The following FAP variants were observed in gnomAD, a reference collection of about 807,000 sequenced individuals.
FAP encodes fibroblast activation protein alpha, also known as prolyl endopeptidase FAP.
A neutral mutation model predicts 126.5 loss-of-function variants in FAP; 110 were observed. The observed-to-expected ratio is 0.87, with a 90% CI of 0.74 to 1.02. The LOEUF (loss-of-function observed/expected upper bound fraction) is 1.02, where lower values mean the gene tolerates loss of function less well. Among genes scored for constraint, FAP ranks in the 50% least tolerant of loss-of-function variants. The pLI, the probability that FAP is intolerant of heterozygous loss-of-function variation, is 0.00. For missense variants in FAP, 919 were observed against 909.2 expected, an observed-to-expected ratio of 1.01 and a Z score of -0.14; for synonymous variants, 334 against 297.3, an observed-to-expected ratio of 1.12 and a Z score of -1.27.
intron 21 of FAP, among the ~76,000 whole-genome samples, chr2:162,177,669 T>A (rs964549338): frequency 6.6e-6 from 1 of 152,188 alleles, no homozygotes; most frequent in African/African-American, 2.4e-5. Flanking sequence ...TCTTTTTCCA[T>A]AGCGCTTAAC....
chr2:162,189,416 T>A (rs536964011), intron 18 of FAP, among the ~76,000 whole-genome samples: 100 of 152,050 alleles, frequency 6.6e-4, no homozygotes, highest in Non-Finnish European at 1.1e-3. Flanking sequence ...AAGCTCTTTT[T>A]AAAAAAACGT....
chr2:162,226,910 G>A lies in FAP; in HGVS notation c.92-289C>T, dbSNP rs372463677. ...CAGAGGAAGGCCATGCAGAGTAGCT[G>A]GGGCATGATTCTTCAGGCAGTGAAG... On this transcript the variant is annotated intron_variant, in intron 2 of 25. Transcript: ENST00000188790. Among the ~76,000 whole-genome samples the A allele has an allele frequency of 2.4e-4, 36 of 152,256 alleles. No individual in the cohort carries two copies. In the South Asian group the frequency reaches 7.5e-3, roughly 32 times the overall value.
At chr2:162,186,346 C>T (rs924239485) in intron 20 of FAP, among the ~76,000 whole-genome samples, 11 of 152,122 alleles carry the variant, frequency 7.2e-5, no homozygotes, top group Admixed American at 6.6e-4. Flanking sequence ...TCTAGTCCAT[C>T]TTCAATTCTA....
At chr2:162,188,405 G>T in intron 19 of FAP, 42 bp from the exon 20 acceptor site, 2 of 1,559,714 alleles carry the variant, frequency 1.3e-6, no homozygotes, top group Non-Finnish European at 1.8e-6. Context: ...TGATTGCTTT[G>T]TAAAACTCAA....
chr2:162,231,244 A>G (rs1258931407), intron 2 of FAP, among the ~76,000 whole-genome samples: 2 of 152,174 alleles, frequency 1.3e-5, no homozygotes, highest in African/African-American at 4.8e-5. Context: ...TCAGTATAAA[A>G]TATATCTCCA....
chr2:162,184,248 G>A (rs115096264), intron 20 of FAP, among the ~76,000 whole-genome samples: 469 of 152,224 alleles, frequency 3.1e-3, no homozygotes, highest in African/African-American at 9.8e-3. Flanking sequence ...AACAGCAGCC[G>A]GAGTGGAATG....
chr2:162,189,542 G>A (rs775962296), intron 18 of FAP, 114 bp downstream of exon 18: 13 of 625,812 alleles, frequency 2.1e-5, no homozygotes, highest in Non-Finnish European at 3.7e-5. Context: ...ATGAAATCCT[G>A]TAATATTAAT....
chr2:162,194,725 G>A lies in FAP; in HGVS notation c.1426C>T (p.Leu476Phe), dbSNP rs1254586146. 1.7e-5 allele frequency: 27 copies of A among 1,613,520 alleles called. No individual in the cohort carries two copies. The highest frequency in any genetic ancestry group is 2.0e-5 in the Non-Finnish European group (24 of 1,179,682). Residue 476 changes from leucine (L) to phenylalanine (F), a missense_variant, in exon 17 of 26, where the codon CTT becomes TTT. Leu to Phe is a conservative substitution (Grantham distance 22). Coordinates refer to ENST00000188790, the MANE Select transcript of FAP (RefSeq NM_004460.5). Reference protein sequence around the residue: ...CYGPGIPISTLHDGRTDQEIK... With the variant: ...CYGPGIPISTFHDGRTDQEIK... ...CCTTGATCAGTGCGTCCATCATGAA[G>A]GGTGGAAATGGGGATGCCTGGGCCT...
At chr2:162,211,773 T>G (rs1688944997) in intron 11 of FAP, among the ~76,000 whole-genome samples, 1 of 152,242 alleles carries the variant, frequency 6.6e-6, no homozygotes, top group Admixed American at 6.5e-5. Flanking sequence ...TATAAATTTC[T>G]TAATAAATCT....
At chr2:162,226,416 A>C (rs1290567691) in intron 3 of FAP, 107 bp downstream of exon 3, 1 of 551,170 alleles carries the variant, frequency 1.8e-6, no homozygotes, top group African/African-American at 2.0e-5. Flanking sequence ...TTCTTTTTGT[A>C]CATTTCAACT....
intron 2 of FAP, among the ~76,000 whole-genome samples, chr2:162,235,383 T>G (rs1576201069): frequency 6.6e-6 from 1 of 152,056 alleles, no homozygotes; most frequent in African/African-American, 2.4e-5. Context: ...GCTCCTGAGG[T>G]TAGTGGGGAC....
At chr2:162,213,448 C>A (rs1467238484) in intron 11 of FAP, among the ~76,000 whole-genome samples, 1 of 151,008 alleles carries the variant, frequency 6.6e-6, no homozygotes, top group Non-Finnish European at 1.5e-5. Context: ...GAATATCTGG[C>A]TTTCTTTTGA....
intron 11 of FAP, among the ~76,000 whole-genome samples, chr2:162,212,024 G>A (rs754214886): frequency 2.0e-5 from 3 of 152,162 alleles, no homozygotes; most frequent in Non-Finnish European, 2.9e-5. Context: ...TGAAACAGAG[G>A]TGTTTAGAAA....
At chr2:162,229,478 G>A (rs183278527) in intron 2 of FAP, among the ~76,000 whole-genome samples, 2 of 152,214 alleles carry the variant, frequency 1.3e-5, no homozygotes, top group African/African-American at 4.8e-5. Flanking sequence ...CTAGTTTAAT[G>A]AAGTTCATCA....
intron 11 of FAP, among the ~76,000 whole-genome samples, chr2:162,210,730 T>C (rs1172997903): frequency 6.6e-6 from 1 of 152,132 alleles, no homozygotes; most frequent in Non-Finnish European, 1.5e-5. Flanking sequence ...ATGAACATGA[T>C]GCAGAGGATA....
chr2:162,214,964 G>A (rs1689109516), intron 10 of FAP, among the ~76,000 whole-genome samples: 2 of 152,096 alleles, frequency 1.3e-5, no homozygotes, highest in East Asian at 3.9e-4. Context: ...TTTTACAGCT[G>A]TTCAAACAAG....
At chr2:162,205,022 C>T (rs375635038) in intron 12 of FAP, among the ~76,000 whole-genome samples, 1 of 152,176 alleles carries the variant, frequency 6.6e-6, no homozygotes, top group Non-Finnish European at 1.5e-5. Flanking sequence ...CACTCTATGA[C>T]CCAATGAGGC....
chr2:162,197,323 A>AT (rs2106238453), intron 16 of FAP, among the ~76,000 whole-genome samples: 1 of 152,366 alleles, frequency 6.6e-6, no homozygotes, highest in Non-Finnish European at 1.5e-5. Context: ...AAAAAGATAG[A>AT]TAAACAGATG....
chr2:162,186,561 G>A (rs149518367), intron 20 of FAP, among the ~76,000 whole-genome samples: 4 of 152,008 alleles, frequency 2.6e-5, no homozygotes, highest in Non-Finnish European at 5.9e-5. Flanking sequence ...ATATTTTGTT[G>A]TTACTGGTGG....
Sources: allele counts gnomAD v4.1 joint callset (sites outside exome capture counted in the v4.1 genomes callset), GRCh38; gene constraint gnomAD v4.1.1; transcripts MANE v1.5; gene names NCBI Gene and HGNC (gene_info 2026-07-23, HGNC 2026-07-21).